Variants in SOX6 observed in about 807,000 individuals in gnomAD.
The protein encoded by SOX6 is transcription factor SOX-6.
Under a neutral mutation model 97.8 loss-of-function variants are expected in SOX6, and 11 were observed. The ratio of observed to expected loss-of-function variants is 0.11; its 90% CI spans 0.07 to 0.19. The LOEUF (loss-of-function observed/expected upper bound fraction) is 0.19. SOX6 is among the 10% of genes least tolerant of loss of function. SOX6 has a pLI of 1.00. For missense variants in SOX6, 810 were observed against 1,039.5 expected, an observed-to-expected ratio of 0.78 and a Z score of 3.04; for synonymous variants, 360 against 371.4, an observed-to-expected ratio of 0.97 and a Z score of 0.35.
chr11:16,403,098 G>A (rs749160233), intron 1 of SOX6, among the ~76,000 whole-genome samples: 2 of 151,472 alleles, frequency 1.3e-5, no homozygotes, highest in African/African-American at 4.8e-5. Flanking sequence ...TCAAAAGCTG[G>A]TAGTCTAACT....
intron 4 of SOX6, among the ~76,000 whole-genome samples, chr11:16,554,466 C>T (rs4511252): frequency 0.25 from 37,263 of 151,922 alleles, 5,062 homozygotes; most frequent in East Asian, 0.48. Context: ...CACAACACTG[C>T]ATACTGGGTA....
chr11:16,510,268 C>T (rs572505647), intron 4 of SOX6, among the ~76,000 whole-genome samples: 46 of 152,188 alleles, frequency 3.0e-4, no homozygotes, highest in Non-Finnish European at 5.6e-4. Flanking sequence ...TAGTTTTACT[C>T]ATTTACTTCC....
intron 3 of SOX6, chr11:16,312,033 A>G (rs757360002): frequency 6.6e-6 from 1 of 152,168 alleles, no homozygotes; most frequent in Non-Finnish European, 1.5e-5. Flanking sequence ...TCAAAGCTCA[A>G]ATGCTGCTGT....
At chr11:16,291,888 T>C (rs1373063006) in intron 3 of SOX6, among the ~76,000 whole-genome samples, 9 of 152,084 alleles carry the variant, frequency 5.9e-5, no homozygotes, top group Non-Finnish European at 8.8e-5. Flanking sequence ...ATGGAGGGTA[T>C]GTGCAGACTT....
chr11:16,476,324 C>CA (rs1478539435), exon 1 of SOX6: 2 of 152,294 alleles, frequency 1.3e-5, no homozygotes, highest in Non-Finnish European at 2.9e-5. Context: ...CAAATATGCA[C>CA]AAAAAATATC....
intron 1 of SOX6, among the ~76,000 whole-genome samples, chr11:16,438,735 A>C (rs1859439134): frequency 6.6e-6 from 1 of 151,450 alleles, no homozygotes; most frequent in Admixed American, 6.6e-5. Flanking sequence ...TAGGGGCCAG[A>C]GGGGCAGCAG....
At chr11:16,515,319 G>C (rs1296483362) in intron 4 of SOX6, among the ~76,000 whole-genome samples, 1 of 151,268 alleles carries the variant, frequency 6.6e-6, no homozygotes, top group African/African-American at 2.4e-5. Context: ...ATTTTTTCAT[G>C]TGTTTTTTGG....
In SOX6 at chr11:16,408,442, A is replaced by G. The variant is rs936971483; in HGVS notation, c.-4-67190T>C. ...CCTGATTCTATCATTTCACACATAT[A>G]TATTTCACATGCATACATATATCTC... On this transcript the variant is annotated intron_variant, in intron 1 of 15. Coordinates refer to the SOX6 transcript ENST00000396356. Among the ~76,000 whole-genome samples the G allele has an allele frequency of 1.2e-4, 18 of 152,150 alleles. 1 individual carries two copies. The highest frequency in any genetic ancestry group is 1.5e-4 in the Non-Finnish European group (10 of 68,030).
At chr11:16,105,143 A>C (rs1849047552) in intron 7 of SOX6, among the ~76,000 whole-genome samples, 1 of 152,102 alleles carries the variant, frequency 6.6e-6, no homozygotes, top group Admixed American at 6.6e-5. Context: ...AAAAATCTTC[A>C]ACAAAATATT....
intron 3 of SOX6, among the ~76,000 whole-genome samples, chr11:16,262,635 T>C (rs1476582623): frequency 6.6e-6 from 1 of 152,026 alleles, no homozygotes; most frequent in Non-Finnish European, 1.5e-5. Context: ...AGAGAGTGCA[T>C]TTGCCAGATA....
intron 4 of SOX6, among the ~76,000 whole-genome samples, chr11:16,228,809 A>G (rs541566704): frequency 6.6e-6 from 1 of 152,258 alleles, no homozygotes; most frequent in African/African-American, 2.4e-5. Flanking sequence ...AATATTAGGC[A>G]TGACTCAGGT....
At chr11:16,227,699 A>C (rs1852725765) in intron 4 of SOX6, among the ~76,000 whole-genome samples, 1 of 152,160 alleles carries the variant, frequency 6.6e-6, no homozygotes, top group Non-Finnish European at 1.5e-5. Context: ...ATTTTTTATT[A>C]AGAACAAGTT....
chr11:16,318,862 A>G (rs185366412), intron 2 of SOX6, among the ~76,000 whole-genome samples: 66 of 152,302 alleles, frequency 4.3e-4, no homozygotes, highest in Admixed American at 3.9e-3. Context: ...TTAAAGAAGC[A>G]ATTGTCAAAG....
rs567322074 is a variant in SOX6, at chr11:16,282,317, A to C, written c.445+36129T>G. On this transcript the variant is annotated intron_variant, in intron 3 of 15. Coordinates refer to ENST00000683767, the MANE Select transcript of SOX6 (RefSeq NM_001367873.1). ...AAAGGATAATGAAACCATGCCTGCC[A>C]GTCTTTATTGGAAAGAAATACAGAT... is the stretch of plus-strand genomic sequence containing the variant. Among the ~76,000 whole-genome samples, 19 of 151,626 alleles carry C rather than the reference A, an allele frequency of 1.3e-4. No homozygotes were observed. The South Asian group carries it at 3.3e-3, about 26-fold the overall frequency.
intron 3 of SOX6, among the ~76,000 whole-genome samples, chr11:16,288,146 G>C (rs1271104295): frequency 6.6e-6 from 1 of 152,024 alleles, no homozygotes; most frequent in African/African-American, 2.4e-5. Flanking sequence ...AGTACAGTGT[G>C]AATTCTCAAG....
chr11:16,233,283 C>T (rs1055198855), intron 4 of SOX6, among the ~76,000 whole-genome samples: 5 of 152,026 alleles, frequency 3.3e-5, no homozygotes, highest in African/African-American at 1.2e-4. Context: ...AAAGTTGATG[C>T]GTGATCATGA....
At chr11:16,347,949 G>T (rs1856814324) in intron 1 of SOX6, among the ~76,000 whole-genome samples, 1 of 151,890 alleles carries the variant, frequency 6.6e-6, no homozygotes, top group African/African-American at 2.4e-5. Context: ...ACTCTTTCAT[G>T]TGATGAAATA....
intron 2 of SOX6, among the ~76,000 whole-genome samples, chr11:16,328,774 C>T (rs1856186898): frequency 6.6e-6 from 1 of 152,056 alleles, no homozygotes; most frequent in Non-Finnish European, 1.5e-5. Context: ...TAACTTCTTG[C>T]TAACAAAGGA....
intron 4 of SOX6, among the ~76,000 whole-genome samples, chr11:16,191,495 T>A (rs1232588845): frequency 2.6e-5 from 4 of 152,066 alleles, no homozygotes; most frequent in African/African-American, 9.7e-5. Flanking sequence ...TAAATCATGT[T>A]TGGAGGTTTG....
Sources: gnomAD v4.1 joint callset for allele counts (sites outside exome capture counted in the v4.1 genomes callset) on GRCh38, gnomAD v4.1.1 for gene constraint, MANE v1.5 for transcripts, NCBI Gene and HGNC (gene_info 2026-07-23, HGNC 2026-07-21) for gene names.